The following HMGCL variants were observed in gnomAD, a reference collection of about 807,000 sequenced individuals.
HMGCL encodes the protein 3-hydroxy-3-methylglutaryl-CoA lyase, also known as hydroxymethylglutaryl-CoA lyase, mitochondrial.
HMGCL carries 26 observed loss-of-function variants against 37.3 expected under a neutral mutation model. The observed-to-expected ratio is 0.70, with a 90% CI of 0.51 to 0.97. The LOEUF (loss-of-function observed/expected upper bound fraction) is 0.97. Ranked by LOEUF, HMGCL falls within the 50% of genes least tolerant of loss-of-function variation. HMGCL has a pLI of 0.00. For synonymous variants in HMGCL, 151 were observed against 148.0 expected (o/e 1.02, Z -0.15); for missense variants, 379 against 398.1 (o/e 0.95, Z 0.41).
chr1:23,820,464 G>T, intron 2 of HMGCL, 46 bp downstream of exon 2: 2 of 1,292,482 alleles, frequency 1.5e-6, no homozygotes, highest in Non-Finnish European at 2.3e-6. Flanking sequence ...AATACTCAAA[G>T]CAGATGCTTG....
intron 4 of HMGCL, among the ~76,000 whole-genome samples, chr1:23,815,170 G>A (rs1257308881): frequency 6.6e-6 from 1 of 151,978 alleles, no homozygotes; most frequent in Non-Finnish European, 1.5e-5. Flanking sequence ...TCATGCCACT[G>A]TACTCCAGCC....
chr1:23,817,817 T>C (rs563631583), intron 2 of HMGCL, among the ~76,000 whole-genome samples: 1 of 152,372 alleles, frequency 6.6e-6, no homozygotes, highest in East Asian at 1.9e-4. Context: ...TGTGATGGCC[T>C]GAAAGGGCAG....
At position 23,802,568 on chromosome 1, in the gene HMGCL, T is replaced by G; in HGVS notation, c.877-4A>C. On this transcript the variant is annotated splice_polypyrimidine_tract_variant and splice_region_variant and intron_variant, in intron 8 of 8. Coordinates refer to ENST00000374490, the MANE Select transcript of HMGCL (RefSeq NM_000191.3). ...GAAGCTTCTGGAGATTCACACCCTTTGAGAAACAAGTTAGAGGATGCGGTA... is the reference window on the plus strand; with the variant it reads ...GAAGCTTCTGGAGATTCACACCCTTGGAGAAACAAGTTAGAGGATGCGGTA... The G allele has an allele frequency of 1.2e-6, 2 of 1,602,232 alleles. No individual in the cohort carries two copies. Among genetic ancestry groups the G allele is most frequent in the Non-Finnish European group, 1.7e-6 (2 of 1,169,144 alleles).
In HMGCL at chr1:23,802,501, T is replaced by C. The variant is rs772263080; in HGVS notation, c.940A>G (p.Thr314Ala). The C allele has an allele frequency of 3.1e-6, 5 of 1,613,966 alleles. No individual in the cohort carries two copies. In the South Asian group the frequency reaches 5.5e-5, roughly 18 times the overall value. ...GTAGCCTGAGCCACTTTGGAGCTAG[T>C]TTTTCTGTTCAGGGCTTGACAGATA... Reference protein sequence around the residue: ...NFICQALNRKTSSKVAQATCK... With the variant: ...NFICQALNRKASSKVAQATCK... The change falls in exon 9 of 9, where the codon ACT becomes GCT. Residue 314 changes from threonine (T) to alanine (A), a missense_variant. Coordinates refer to ENST00000374490, the MANE Select transcript of HMGCL (RefSeq NM_000191.3).
intron 4 of HMGCL, among the ~76,000 whole-genome samples, chr1:23,816,058 C>A (rs894227986): frequency 6.6e-6 from 1 of 151,030 alleles, no homozygotes; most frequent in Non-Finnish European, 1.5e-5. Flanking sequence ...GCTAGGACTA[C>A]AGGTGCATGC....
At chr1:23,810,351 T>C in intron 6 of HMGCL, 1 of 269,074 alleles carries the variant, frequency 3.7e-6, no homozygotes, top group East Asian at 8.6e-5. Context: ...TCAATTCCCA[T>C]GCCATGTTCT....
In HMGCL at chr1:23,802,088, G is replaced by T; in HGVS notation, c.*375C>A. On this transcript the variant is annotated 3_prime_UTR_variant, in exon 9 of 9. Transcript: ENST00000374490. ...GAGCAAGGGCCCCACGGCCATGGCAGGGTGGAGCCGTGTAGAGGGTGGCCA... is the reference window on the plus strand; with the variant it reads ...GAGCAAGGGCCCCACGGCCATGGCATGGTGGAGCCGTGTAGAGGGTGGCCA... 1.9e-6 allele frequency: 1 copy of T among 518,040 alleles called. No homozygotes were observed. The highest frequency in any genetic ancestry group is 3.6e-5 in the South Asian group (1 of 28,028). 32.1% of individuals were successfully genotyped at this position (518,040 alleles called of 1,614,324 possible).
At chr1:23,819,678 G>A (rs551966714) in intron 2 of HMGCL, among the ~76,000 whole-genome samples, 6 of 152,316 alleles carry the variant, frequency 3.9e-5, no homozygotes, top group Admixed American at 2.6e-4. Flanking sequence ...GAGGTGAGCC[G>A]AGATTGCGCC....
intron 7 of HMGCL, 58 bp from the exon 8 acceptor site, chr1:23,804,583 T>A (rs146619697): frequency 2.5e-6 from 4 of 1,598,932 alleles, no homozygotes; most frequent in Non-Finnish European, 3.4e-6. Context: ...GCCACAGAGA[T>A]GAGCCTTGCA....
At chr1:23,822,258 TAC>T (rs1317432238) in intron 1 of HMGCL, among the ~76,000 whole-genome samples, 1 of 152,126 alleles carries the variant, frequency 6.6e-6, no homozygotes, top group Non-Finnish European at 1.5e-5. Context: ...TCTCTTCTGT[TAC>T]AGTCATAGGC....
chr1:23,815,464 A>C lies in HMGCL; in HGVS notation c.349-1126T>G, dbSNP rs184657233. Among the ~76,000 whole-genome samples the C allele has an allele frequency of 4.2e-3, 638 of 151,908 alleles. 6 individuals are homozygous for C. The highest frequency in any genetic ancestry group is 0.013 in the African/African-American group (538 of 41,468). ...AGAGAATAAATTTCTGTTGTTTTTA[A>C]GCCACCCAATTTGTAGTGCTTTCTT... is the stretch of plus-strand genomic sequence containing the variant. On this transcript the variant is annotated intron_variant, in intron 4 of 8. Coordinates refer to ENST00000374490, the MANE Select transcript of HMGCL (RefSeq NM_000191.3).
Position 23,802,491 on chromosome 1 carries a change from T to G in HMGCL, c.950A>C (p.Lys317Thr), listed in dbSNP as rs777758512. The G allele has an allele frequency of 6.2e-7, 1 of 1,613,916 alleles. No individual in the cohort carries two copies. Among genetic ancestry groups the G allele is most frequent in the South Asian group, 1.1e-5 (1 of 91,084 alleles). ...GAGTTTACAGGTAGCCTGAGCCACTTTGGAGCTAGTTTTTCTGTTCAGGGC... is the reference window on the plus strand; with the variant it reads ...GAGTTTACAGGTAGCCTGAGCCACTGTGGAGCTAGTTTTTCTGTTCAGGGC... ...CQALNRKTSSKVAQATCKL is the reference protein window; with the variant it reads ...CQALNRKTSSTVAQATCKL Residue 317 changes from lysine to threonine, a missense_variant, in exon 9 of 9, where the codon AAA becomes ACA. Physicochemically the swap from Lys to Thr is moderately conservative, Grantham distance 78. Transcript: ENST00000374490.
At chr1:23,820,483 GT>G (rs553489157) in intron 2 of HMGCL, 26 bp downstream of exon 2, 55 of 1,556,452 alleles carry the variant, frequency 3.5e-5, no homozygotes, top group Non-Finnish European at 4.4e-5. Context: ...TGAAAAAACT[GT>G]TTTTTTGGCT....
chr1:23,817,972 C>T (rs1430536340), intron 2 of HMGCL, among the ~76,000 whole-genome samples: 1 of 152,218 alleles, frequency 6.6e-6, no homozygotes, highest in African/African-American at 2.4e-5. Context: ...TGTCCAGTAG[C>T]TCAACAGATT....
At chr1:23,823,298 A>C (rs1638755542) in intron 1 of HMGCL, among the ~76,000 whole-genome samples, 1 of 151,762 alleles carries the variant, frequency 6.6e-6, no homozygotes, top group Non-Finnish European at 1.5e-5. Flanking sequence ...ATAATAATTC[A>C]GTTTTTAAAC....
intron 2 of HMGCL, among the ~76,000 whole-genome samples, chr1:23,819,683 T>G (rs1638676219): frequency 4.6e-5 from 7 of 152,132 alleles, no homozygotes; most frequent in Admixed American, 3.9e-4. Context: ...GAGCCGAGAT[T>G]GCGCCATTGC....
intron 5 of HMGCL, among the ~76,000 whole-genome samples, chr1:23,812,979 T>C (rs796824037): frequency 4.3e-4 from 65 of 152,216 alleles, no homozygotes; most frequent in African/African-American, 1.5e-3. Flanking sequence ...AACCTCTGCC[T>C]CCTGGGTTCA....
At position 23,802,388 on chromosome 1, in the gene HMGCL, A is replaced by G; in HGVS notation, c.*75T>C. ...CACCATTTAACCTATTCTCATTTCC[A>G]TGTCCCCATCCATGAATCATCTGTG... On this transcript the variant is annotated 3_prime_UTR_variant, in exon 9 of 9. Coordinates refer to ENST00000374490, the MANE Select transcript of HMGCL (RefSeq NM_000191.3). 7.6e-6 allele frequency: 7 copies of G among 919,096 alleles called. No individual in the cohort carries two copies. Among genetic ancestry groups the G allele is most frequent in the Non-Finnish European group, 1.3e-5 (7 of 546,126 alleles). The allele number at this position is 919,096 out of a possible 1,614,324, so 56.9% of individuals were successfully genotyped here.
chr1:23,817,488 C>T lies in HMGCL; in HGVS notation c.240G>A (p.Lys80=), dbSNP rs1638632119. The T allele has an allele frequency of 6.2e-7, 1 of 1,608,722 alleles. No individual in the cohort carries two copies. Among genetic ancestry groups the T allele is most frequent in the South Asian group, 1.1e-5 (1 of 90,992 alleles). The part of the protein sequence containing the change: ...VIETTSFVSP[K]WVPQMGDHTE... ...GGCTAGGGCTCACCTGGGGAACCCA[C>T]TTAGGAGACACAAAGCTGGTGGTTT... Residue 80 remains lysine (K), a synonymous_variant, in exon 3 of 9, where the codon AAG becomes AAA. Coordinates refer to ENST00000374490, the MANE Select transcript of HMGCL (RefSeq NM_000191.3).
Sources: gnomAD v4.1 joint callset for allele counts (sites outside exome capture counted in the v4.1 genomes callset) on GRCh38, gnomAD v4.1.1 for gene constraint, MANE v1.5 for transcripts, NCBI Gene and HGNC (gene_info 2026-07-23, HGNC 2026-07-21) for gene names.